The following ZCCHC7 variants were observed in gnomAD, a reference collection of about 807,000 sequenced individuals.
The protein encoded by ZCCHC7 is zinc finger CCHC domain-containing protein 7.
Under a neutral mutation model 52.0 loss-of-function variants are expected in ZCCHC7, and 35 were observed. That is an observed-to-expected ratio of 0.67 (90% CI 0.51 to 0.89). ZCCHC7 has a LOEUF of 0.89. ZCCHC7 is among the 40% of genes least tolerant of loss of function. The probability of loss-of-function intolerance (pLI) is 0.00; values close to 1 mark genes in which losing one functional copy is unlikely to be tolerated. For missense variants in ZCCHC7, 574 were observed against 649.1 expected (o/e 0.88, Z 1.26); for synonymous variants, 217 against 221.5 (o/e 0.98, Z 0.18).
intron 2 of ZCCHC7, among the ~76,000 whole-genome samples, chr9:37,134,699 T>G (rs781290983): frequency 1.3e-4 from 20 of 152,116 alleles, no homozygotes; most frequent in South Asian, 4.2e-4. Context: ...ACTCTTGCCC[T>G]TGTTTTTTGT....
intron 2 of ZCCHC7, among the ~76,000 whole-genome samples, chr9:37,223,029 A>G (rs949586221): frequency 2.0e-5 from 3 of 152,192 alleles, no homozygotes; most frequent in African/African-American, 7.2e-5. Context: ...GTATGTATGT[A>G]TATGGCTATG....
intron 2 of ZCCHC7, among the ~76,000 whole-genome samples, chr9:37,277,273 A>T (rs1469940231): frequency 2.0e-5 from 3 of 152,252 alleles, no homozygotes; most frequent in Non-Finnish European, 4.4e-5. Flanking sequence ...TGAAGCTTAT[A>T]CTATAAATAT....
intron 2 of ZCCHC7, among the ~76,000 whole-genome samples, chr9:37,238,112 C>T (rs1025597975): frequency 6.6e-6 from 1 of 152,042 alleles, no homozygotes; most frequent in Non-Finnish European, 1.5e-5. Context: ...CCTCTCTCTG[C>T]CATGATCTTT....
At chr9:37,236,641 G>A (rs1485973252) in intron 2 of ZCCHC7, among the ~76,000 whole-genome samples, 1 of 151,906 alleles carries the variant, frequency 6.6e-6, no homozygotes, top group African/African-American at 2.4e-5. Flanking sequence ...TGATCCGCCC[G>A]TCTCAGCCTC....
At chr9:37,224,789 C>G (rs946754889) in intron 2 of ZCCHC7, among the ~76,000 whole-genome samples, 1 of 152,194 alleles carries the variant, frequency 6.6e-6, no homozygotes, top group Non-Finnish European at 1.5e-5. Flanking sequence ...CTCCACAAAA[C>G]TCAATGAACC....
At chr9:37,237,957 T>C (rs1009929712) in intron 2 of ZCCHC7, among the ~76,000 whole-genome samples, 2 of 152,212 alleles carry the variant, frequency 1.3e-5, no homozygotes, top group African/African-American at 4.8e-5. Flanking sequence ...CCCGTTGTTA[T>C]TTCATTTTCG....
chr9:37,277,977 T>C (rs1323375911), intron 2 of ZCCHC7, among the ~76,000 whole-genome samples: 1 of 151,858 alleles, frequency 6.6e-6, no homozygotes, highest in African/African-American at 2.4e-5. Flanking sequence ...GACCCAGATA[T>C]AGTAATTAGA....
intron 2 of ZCCHC7, among the ~76,000 whole-genome samples, chr9:37,265,093 T>TC (rs1827039699): frequency 1.3e-5 from 2 of 152,172 alleles, no homozygotes; most frequent in Non-Finnish European, 2.9e-5. Flanking sequence ...ACTACATCTA[T>TC]CCATTTAGCA....
chr9:37,341,997 T>C (rs974057839), intron 6 of ZCCHC7, among the ~76,000 whole-genome samples: 2 of 151,622 alleles, frequency 1.3e-5, no homozygotes, highest in African/African-American at 4.8e-5. Flanking sequence ...TGTTAGAGAG[T>C]TTTGAGCTGA....
At chr9:37,173,149 G>T (rs1228509977) in intron 2 of ZCCHC7, among the ~76,000 whole-genome samples, 1 of 152,100 alleles carries the variant, frequency 6.6e-6, no homozygotes, top group Non-Finnish European at 1.5e-5. Flanking sequence ...GTTGTGACTT[G>T]AGTGAGCAAC....
intron 5 of ZCCHC7, among the ~76,000 whole-genome samples, chr9:37,323,731 G>A (rs1306044195): frequency 6.6e-6 from 1 of 151,998 alleles, no homozygotes; most frequent in African/African-American, 2.4e-5. Context: ...TTTGATTGAC[G>A]GCAAATGCTA....
intron 5 of ZCCHC7, among the ~76,000 whole-genome samples, chr9:37,320,056 A>G (rs756734016): frequency 3.9e-5 from 6 of 152,184 alleles, no homozygotes; most frequent in Non-Finnish European, 7.3e-5. Flanking sequence ...CTTAAAATAC[A>G]TAGTGAGATT....
chr9:37,151,126 G>T (rs1401571086), intron 2 of ZCCHC7, among the ~76,000 whole-genome samples: 1 of 151,774 alleles, frequency 6.6e-6, no homozygotes. Flanking sequence ...CACCACGCCC[G>T]GCTAATTTTT....
chr9:37,288,336 A>G lies in ZCCHC7; in HGVS notation c.611-13852A>G, dbSNP rs541739693. Among the ~76,000 whole-genome samples the G allele has an allele frequency of 6.3e-5, 8 of 127,366 alleles. No individual in the cohort carries two copies. In the South Asian group the frequency reaches 1.9e-3, roughly 30 times the overall value. The allele number at this position is 127,366 out of a possible 152,430, so 83.6% of individuals were successfully genotyped here. On this transcript the variant is annotated intron_variant, in intron 2 of 8. Coordinates refer to ENST00000336755, the MANE Select transcript of ZCCHC7 (RefSeq NM_032226.3). ...TATAGATAGATAGATAGATTTTTTTATAGGTAGATAGATTTTTTTTTTTTT... is the reference window on the plus strand; with the variant it reads ...TATAGATAGATAGATAGATTTTTTTGTAGGTAGATAGATTTTTTTTTTTTT...
At chr9:37,317,870 A>G (rs1392791828) in intron 5 of ZCCHC7, among the ~76,000 whole-genome samples, 1 of 139,480 alleles carries the variant, frequency 7.2e-6, no homozygotes, top group African/African-American at 2.6e-5. Context: ...CTGTTTATCC[A>G]AAGAGACCTT....
At chr9:37,323,987 T>C (rs1830147480) in intron 5 of ZCCHC7, among the ~76,000 whole-genome samples, 1 of 152,198 alleles carries the variant, frequency 6.6e-6, no homozygotes, top group African/African-American at 2.4e-5. Flanking sequence ...TGTGTGCATA[T>C]GGAACAGTTA....
chr9:37,356,432 G>A (rs77036765), intron 8 of ZCCHC7, among the ~76,000 whole-genome samples: 7,749 of 152,234 alleles, frequency 0.051, 645 homozygotes, highest in African/African-American at 0.17. Context: ...TTTAGAGGGT[G>A]GTTGAAATGT....
At chr9:37,164,345 T>C (rs559845394) in intron 2 of ZCCHC7, among the ~76,000 whole-genome samples, 4 of 152,082 alleles carry the variant, frequency 2.6e-5, no homozygotes, top group Admixed American at 1.3e-4. Flanking sequence ...CTTGGGAGGC[T>C]GAGGCACAAG....
intron 2 of ZCCHC7, among the ~76,000 whole-genome samples, chr9:37,192,219 A>G (rs1006498756): frequency 7.2e-5 from 11 of 152,242 alleles, no homozygotes; most frequent in Non-Finnish European, 1.6e-4. Context: ...GGACATGGTT[A>G]CCTAGTTTCT....
Sources: allele counts gnomAD v4.1 joint callset (sites outside exome capture counted in the v4.1 genomes callset), GRCh38; gene constraint gnomAD v4.1.1; transcripts MANE v1.5; gene names NCBI Gene and HGNC (gene_info 2026-07-23, HGNC 2026-07-21).